ELOC: variants seen among roughly 807,000 people sequenced by gnomAD.
ELOC encodes elongin C.
For missense variants in ELOC, 38 were observed against 139.0 expected (o/e 0.27, Z 3.65); for synonymous variants, 40 against 51.3 (o/e 0.78, Z 0.94).
intron 1 of ELOC, among the ~76,000 whole-genome samples, chr8:73,963,075 G>A (rs1814714091): frequency 6.6e-6 from 1 of 152,160 alleles, no homozygotes; most frequent in South Asian, 2.1e-4. Context: ...ATAGTTCTAG[G>A]CAGAAGAAAG....
intron 1 of ELOC, among the ~76,000 whole-genome samples, chr8:73,970,879 A>ACC (rs1563691412): frequency 2.0e-5 from 3 of 148,916 alleles, no homozygotes; most frequent in South Asian, 2.1e-4. Context: ...CAAAAAAAAA[A>ACC]CAAAATTAGC....
intron 1 of ELOC, among the ~76,000 whole-genome samples, chr8:73,970,915 T>C (rs1815331258): frequency 7.3e-6 from 1 of 136,376 alleles, no homozygotes; most frequent in Non-Finnish European, 1.5e-5. Context: ...GCGCCTGTAA[T>C]CCCAGCTGCT....
chr8:73,967,062 C>T (rs1419086536), intron 1 of ELOC, among the ~76,000 whole-genome samples: 2 of 152,140 alleles, frequency 1.3e-5, no homozygotes, highest in East Asian at 1.9e-4. Flanking sequence ...GAATAAATGG[C>T]TTTACATATA....
intron 1 of ELOC, among the ~76,000 whole-genome samples, chr8:73,963,728 T>C (rs770046206): frequency 7.2e-5 from 11 of 152,042 alleles, no homozygotes; most frequent in Admixed American, 4.6e-4. Context: ...AAATGTAAAA[T>C]ATCCATAAAA....
At chr8:73,947,209 A>C (rs1008481935) in intron 3 of ELOC, among the ~76,000 whole-genome samples, 2 of 152,044 alleles carry the variant, frequency 1.3e-5, no homozygotes, top group African/African-American at 4.8e-5. Context: ...GGCTGGTCTC[A>C]AACTCCTGAC....
rs1304576645 is a variant in ELOC at position 73,945,151 on chromosome 8, T to C, written c.*1479A>G. 1.6e-5 allele frequency: 2 copies of C among 128,780 alleles called. No individual in the cohort carries two copies. Among genetic ancestry groups the C allele is most frequent in the Admixed American group, 1.9e-4 (2 of 10,810 alleles). The allele number at this position is 128,780 out of a possible 1,614,324, so 8.0% of individuals were successfully genotyped here. On this transcript the variant is annotated 3_prime_UTR_variant, in exon 4 of 4. Transcript: ENST00000520242. ...TTTTTTTTTTTTGAGACAGTCTCGC[T>C]CTGTCACCCAGGCTGGAGTGCAGTG... is the stretch of plus-strand genomic sequence containing the variant.
Position 73,945,600 on chromosome 8 carries a change from G to C in ELOC, c.*1030C>G, listed in dbSNP as rs187623763. On this transcript the variant is annotated 3_prime_UTR_variant, in exon 4 of 4. Coordinates refer to ENST00000520242, the MANE Select transcript of ELOC (RefSeq NM_005648.4). ...TTTTTGGCTGCTTAATAGAAAAGCT[G>C]AATGAGCTTGATTTCAGTAGAAGAC... The C allele has an allele frequency of 6.6e-6, 1 of 152,172 alleles. No individual in the cohort carries two copies. Among genetic ancestry groups the C allele is most frequent in the Non-Finnish European group, 1.5e-5 (1 of 68,044 alleles). 9.4% of individuals were successfully genotyped at this position (152,172 alleles called of 1,614,324 possible).
At chr8:73,949,926 C>G (rs1000114311) in intron 3 of ELOC, among the ~76,000 whole-genome samples, 1 of 152,008 alleles carries the variant, frequency 6.6e-6, no homozygotes, top group Non-Finnish European at 1.5e-5. Context: ...CCTTAAAGTA[C>G]TTCCTTGCAT....
chr8:73,955,927 G>A lies in ELOC; in HGVS notation c.132C>T (p.Ala44=). The A allele has an allele frequency of 6.2e-7, 1 of 1,612,974 alleles. No individual in the cohort carries two copies. Among genetic ancestry groups the A allele is most frequent in the Non-Finnish European group, 8.5e-7 (1 of 1,179,108 alleles). The change falls in exon 3 of 4, where the codon GCC becomes GCT. Residue 44 remains alanine (A), a synonymous_variant. Coordinates refer to ENST00000520242, the MANE Select transcript of ELOC (RefSeq NM_005648.4). ...TGTGCTTACCTGGGCCACTCAACAT[G>A]GCTTTTATCGTGCCTGATGTTAATG... ...EHALTSGTIK[A]MLSGPGQFAE...
intron 1 of ELOC, among the ~76,000 whole-genome samples, chr8:73,966,657 T>TA (rs1421854210): frequency 5.6e-4 from 85 of 151,238 alleles, no homozygotes; most frequent in African/African-American, 2.0e-3. Context: ...TTTTTTTTTT[T>TA]AAGTGGAGGT....
At chr8:73,968,407 C>T (rs981833974) in intron 1 of ELOC, among the ~76,000 whole-genome samples, 1 of 152,174 alleles carries the variant, frequency 6.6e-6, no homozygotes, top group African/African-American at 2.4e-5. Flanking sequence ...AGTCTGTCTG[C>T]CTCACCCCTG....
At chr8:73,966,139 T>C (rs139041013) in intron 1 of ELOC, among the ~76,000 whole-genome samples, 166 of 152,242 alleles carry the variant, frequency 1.1e-3, no homozygotes, top group African/African-American at 3.8e-3. Context: ...GTTAGGATGC[T>C]AGATGCTCAC....
At chr8:73,958,222 T>C (rs1349796668) in intron 2 of ELOC, among the ~76,000 whole-genome samples, 1 of 151,706 alleles carries the variant, frequency 6.6e-6, no homozygotes, top group Non-Finnish European at 1.5e-5. Context: ...GCCTCCAAAG[T>C]AGCTGGGAAA....
intron 3 of ELOC, among the ~76,000 whole-genome samples, chr8:73,952,964 ATTAAATAATGT>A (rs1455926724): frequency 3.3e-5 from 5 of 152,162 alleles, no homozygotes; most frequent in Non-Finnish European, 5.9e-5. Flanking sequence ...TAGGAAGTGT[ATTAAATAATGT>A]TCAACATCAT....
rs774808293 is a variant in ELOC, at chr8:73,946,243, AAGATT to A, written c.*382_*386del. The A allele has an allele frequency of 4.4e-4, 70 of 159,210 alleles. No homozygotes were observed. Among genetic ancestry groups the A allele is most frequent in the Non-Finnish European group, 5.9e-4 (43 of 72,584 alleles). 9.9% of individuals were successfully genotyped at this position (159,210 alleles called of 1,614,324 possible). A position where few individuals can be genotyped will look rare whatever the true frequency, so the allele number is the denominator to read the frequency against. On this transcript the variant is annotated 3_prime_UTR_variant, in exon 4 of 4. Transcript: ENST00000520242. ...CTCTAGTAATGCTAATGGCGGCTATAAGATTAGGTTTCTAAAAAACCACTAAAAAC... is the reference window on the plus strand; with the variant it reads ...CTCTAGTAATGCTAATGGCGGCTATAAGGTTTCTAAAAAACCACTAAAAAC...
At chr8:73,955,035 G>GGA (rs758087284) in intron 3 of ELOC, among the ~76,000 whole-genome samples, 6 of 62,990 alleles carry the variant, frequency 9.5e-5, no homozygotes, top group African/African-American at 1.3e-4. Flanking sequence ...CTCCATCTCG[G>GGA]AAAAAAAAAA....
intron 1 of ELOC, among the ~76,000 whole-genome samples, chr8:73,970,103 G>A (rs920952159): frequency 6.6e-6 from 1 of 152,158 alleles, no homozygotes; most frequent in African/African-American, 2.4e-5. Context: ...TTAGCTAGGT[G>A]TCGTGGTGGG....
At chr8:73,959,217 C>T (rs900909825) in intron 2 of ELOC, among the ~76,000 whole-genome samples, 4 of 152,078 alleles carry the variant, frequency 2.6e-5, no homozygotes, top group Non-Finnish European at 5.9e-5. Flanking sequence ...AAGTACTGTA[C>T]ACTTAGGCTA....
At chr8:73,958,295 G>A (rs1192642638) in intron 2 of ELOC, among the ~76,000 whole-genome samples, 3 of 151,930 alleles carry the variant, frequency 2.0e-5, no homozygotes, top group Admixed American at 2.0e-4. Context: ...TCTGTTCCAT[G>A]TAAAACTTGT....
Sources: allele counts gnomAD v4.1 joint callset (sites outside exome capture counted in the v4.1 genomes callset), GRCh38; gene constraint gnomAD v4.1.1; transcripts MANE v1.5; gene names NCBI Gene and HGNC (gene_info 2026-07-23, HGNC 2026-07-21).